Variants in ITGA8 observed in about 807,000 individuals in gnomAD.
ITGA8 encodes the protein integrin alpha-8.
Under a neutral mutation model 142.3 loss-of-function variants are expected in ITGA8, and 91 were observed. The ratio of observed to expected loss-of-function variants is 0.64; its 90% CI spans 0.54 to 0.76. ITGA8 has a LOEUF of 0.76. Ranked by LOEUF, ITGA8 falls within the 30% of genes least tolerant of loss-of-function variation. The pLI, the probability that ITGA8 is intolerant of heterozygous loss-of-function variation, is 0.00. For missense variants in ITGA8, 1,406 were observed against 1,327.7 expected (o/e 1.06, Z -0.92); for synonymous variants, 505 against 485.2 (o/e 1.04, Z -0.54).
intron 15 of ITGA8, among the ~76,000 whole-genome samples, chr10:15,611,073 G>A (rs929598409): frequency 6.6e-6 from 1 of 152,162 alleles, no homozygotes; most frequent in African/African-American, 2.4e-5. Context: ...TTGCCAAGTA[G>A]AGTTTATGTG....
chr10:15,663,575 C>CTT (rs34017814), intron 8 of ITGA8, among the ~76,000 whole-genome samples: 17,425 of 147,710 alleles, frequency 0.12, 1,181 homozygotes, highest in African/African-American at 0.19. Context: ...CAACAAGACT[C>CTT]TTTTTTTTTT....
chr10:15,630,349 A>G (rs989085652), intron 13 of ITGA8, among the ~76,000 whole-genome samples: 1 of 152,044 alleles, frequency 6.6e-6, no homozygotes, highest in African/African-American at 2.4e-5. Flanking sequence ...CATTCATTCA[A>G]TTATTCACTT....
chr10:15,608,033 A>G (rs1833227726), intron 16 of ITGA8, among the ~76,000 whole-genome samples: 1 of 152,132 alleles, frequency 6.6e-6, no homozygotes, highest in African/African-American at 2.4e-5. Flanking sequence ...AAAAGTTGTC[A>G]TTTTCCCTAC....
chr10:15,519,073 C>A (rs1295988543), intron 29 of ITGA8, among the ~76,000 whole-genome samples: 1 of 152,098 alleles, frequency 6.6e-6, no homozygotes, highest in Non-Finnish European at 1.5e-5. Context: ...AAGATGAAAG[C>A]AACATTAAGC....
chr10:15,532,919 T>C (rs1833341307), intron 27 of ITGA8, among the ~76,000 whole-genome samples: 1 of 152,228 alleles, frequency 6.6e-6, no homozygotes, highest in Non-Finnish European at 1.5e-5. Context: ...GATTTATGTC[T>C]ACTGTATCTG....
chr10:15,566,430 C>A (rs183789615), intron 25 of ITGA8, among the ~76,000 whole-genome samples: 6 of 152,288 alleles, frequency 3.9e-5, no homozygotes, highest in Admixed American at 3.3e-4. Context: ...TCTTATCGGT[C>A]TTCCTCTCCT....
At chr10:15,707,807 A>G (rs1835287135) in intron 2 of ITGA8, among the ~76,000 whole-genome samples, 1 of 150,040 alleles carries the variant, frequency 6.7e-6, no homozygotes, top group African/African-American at 2.5e-5. Flanking sequence ...TCGGTGACAG[A>G]GTGAGTTTCC....
intron 28 of ITGA8, among the ~76,000 whole-genome samples, chr10:15,529,957 T>C (rs1833255937): frequency 2.0e-5 from 3 of 152,176 alleles, no homozygotes; most frequent in African/African-American, 7.2e-5. Context: ...CAATCACATT[T>C]TGAGTAACAA....
chr10:15,547,437 T>A (rs994729641), intron 27 of ITGA8, among the ~76,000 whole-genome samples: 2 of 152,298 alleles, frequency 1.3e-5, no homozygotes, highest in South Asian at 2.1e-4. Context: ...CTGGGCATGG[T>A]GGCCCACGCC....
At chr10:15,562,822 A>AG (rs1254103455) in intron 25 of ITGA8, among the ~76,000 whole-genome samples, 1 of 151,980 alleles carries the variant, frequency 6.6e-6, no homozygotes, top group East Asian at 1.9e-4. Flanking sequence ...AATGAGGAGG[A>AG]GGGGAAGCCC....
intron 2 of ITGA8, among the ~76,000 whole-genome samples, chr10:15,711,921 C>G (rs568419161): frequency 3.6e-4 from 55 of 152,310 alleles, no homozygotes; most frequent in African/African-American, 1.3e-3. Flanking sequence ...GAGCTCCACT[C>G]CTTCCAGACC....
intron 20 of ITGA8, 72 bp from the exon 21 acceptor site, chr10:15,597,371 G>A: frequency 1.6e-6 from 2 of 1,216,826 alleles, no homozygotes; most frequent in Non-Finnish European, 2.4e-6. Flanking sequence ...CATGCTGGGG[G>A]CCTGGGAGCT....
chr10:15,632,686 G>A (rs77473560), intron 13 of ITGA8, among the ~76,000 whole-genome samples: 9,985 of 151,988 alleles, frequency 0.066, 432 homozygotes, highest in Non-Finnish European at 0.095. Flanking sequence ...TCATGGTGAG[G>A]ATATTTATAC....
chr10:15,677,576 T>A lies in ITGA8; in HGVS notation c.676+16A>T. On this transcript the variant is annotated intron_variant, in intron 6 of 29. Coordinates refer to ENST00000378076, the MANE Select transcript of ITGA8 (RefSeq NM_003638.3). ...TAACAACAAATGTGCTTTTCTTGTCTGCCAACAGAACATACCTTGCCAGTA... is the reference window on the plus strand; with the variant it reads ...TAACAACAAATGTGCTTTTCTTGTCAGCCAACAGAACATACCTTGCCAGTA... The A allele has an allele frequency of 6.2e-7, 1 of 1,609,944 alleles. No homozygotes were observed. The highest frequency in any genetic ancestry group is 8.5e-7 in the Non-Finnish European group (1 of 1,177,966).
chr10:15,642,296 G>A (rs1833885643), intron 13 of ITGA8, among the ~76,000 whole-genome samples: 1 of 152,124 alleles, frequency 6.6e-6, no homozygotes, highest in South Asian at 2.1e-4. Context: ...TTTGGGACGT[G>A]TTTAGCCTTG....
chr10:15,582,090 T>A (rs1834418832), intron 23 of ITGA8, among the ~76,000 whole-genome samples: 1 of 152,096 alleles, frequency 6.6e-6, no homozygotes, highest in African/African-American at 2.4e-5. Flanking sequence ...CGTTTAAACA[T>A]TAACTCAGCA....
intron 21 of ITGA8, among the ~76,000 whole-genome samples, chr10:15,593,545 C>G (rs1832959834): frequency 6.6e-6 from 1 of 152,172 alleles, no homozygotes. Context: ...GTTATCACAG[C>G]CACTATAGTA....
Position 15,655,361 on chromosome 10 carries a change from T to C in ITGA8, c.994A>G (p.Ser332Gly). 2 of 1,595,680 alleles carry C rather than the reference T, an allele frequency of 1.3e-6. No individual in the cohort carries two copies. The highest frequency in any genetic ancestry group is 1.7e-6 in the Non-Finnish European group (2 of 1,163,520). ...GYTVVVSDVNSDGLDDVLVGA... is the reference protein window; with the variant it reads ...GYTVVVSDVNGDGLDDVLVGA... ...AGAGGTCTATAAACTTACCCATCACTGTTAACATCTGATACGACAACGGTA... is the reference window on the plus strand; with the variant it reads ...AGAGGTCTATAAACTTACCCATCACCGTTAACATCTGATACGACAACGGTA... The change falls in exon 11 of 30, where the codon AGT (serine) becomes GGT (glycine). Residue 332 changes from serine (S) to glycine (G), a missense_variant. Physicochemically the swap from Ser to Gly is moderately conservative, Grantham distance 56. Coordinates refer to ENST00000378076, the MANE Select transcript of ITGA8 (RefSeq NM_003638.3).
At chr10:15,535,596 C>G (rs938325008) in intron 27 of ITGA8, among the ~76,000 whole-genome samples, 1 of 152,142 alleles carries the variant, frequency 6.6e-6, no homozygotes, top group Admixed American at 6.5e-5. Context: ...TATGTCCACA[C>G]TCTGTATCTA....
Sources: gnomAD v4.1 joint callset for allele counts (sites outside exome capture counted in the v4.1 genomes callset) on GRCh38, gnomAD v4.1.1 for gene constraint, MANE v1.5 for transcripts, NCBI Gene and HGNC (gene_info 2026-07-23, HGNC 2026-07-21) for gene names.